Variants in SCFD1 observed in about 807,000 individuals in gnomAD.
SCFD1 encodes the protein sec1 family domain containing 1, also known as sec1 family domain-containing protein 1.
Under a neutral mutation model 103.2 loss-of-function variants are expected in SCFD1, and 37 were observed. The ratio of observed to expected loss-of-function variants is 0.36; its 90% confidence interval spans 0.28 to 0.47. The LOEUF (loss-of-function observed/expected upper bound fraction) is 0.47, where lower values mean the gene tolerates loss of function less well. Ranked by LOEUF, SCFD1 falls within the 20% of genes least tolerant of loss-of-function variation. The pLI, the probability that SCFD1 is intolerant of heterozygous loss-of-function variation, is 1.00. For missense variants in SCFD1, 639 were observed against 761.2 expected (o/e 0.84, Z 1.89); for synonymous variants, 264 against 245.0 (o/e 1.08, Z -0.73).
At chr14:30,701,771 A>G (rs1487632376) in intron 16 of SCFD1, among the ~76,000 whole-genome samples, 2 of 152,280 alleles carry the variant, frequency 1.3e-5, no homozygotes, top group Non-Finnish European at 1.5e-5. Context: ...AAGTTACACA[A>G]ATTCAGCCAG....
chr14:30,731,574 T>TGTAA (rs1438547631), intron 23 of SCFD1, among the ~76,000 whole-genome samples: 1 of 152,180 alleles, frequency 6.6e-6, no homozygotes, highest in Non-Finnish European at 1.5e-5. Context: ...TCACATCCCT[T>TGTAA]GTAAGTTGGA....
chr14:30,673,823 T>A, intron 12 of SCFD1, 101 bp from the exon 13 acceptor site: 1 of 801,418 alleles, frequency 1.2e-6, no homozygotes, highest in Non-Finnish European at 2.2e-6. Flanking sequence ...TTACGGTATA[T>A]CAATAATCTT....
At chr14:30,664,578 G>T (rs983954988) in intron 10 of SCFD1, among the ~76,000 whole-genome samples, 1 of 151,942 alleles carries the variant, frequency 6.6e-6, no homozygotes, top group Admixed American at 6.6e-5. Flanking sequence ...TCAGAAAGTC[G>T]ATAATAACAA....
intron 14 of SCFD1, among the ~76,000 whole-genome samples, chr14:30,692,494 A>G (rs1425186253): frequency 6.6e-6 from 1 of 152,208 alleles, no homozygotes; most frequent in Non-Finnish European, 1.5e-5. Context: ...TAGAAAAGCT[A>G]CAGAGAAGGT....
rs1054968045 is a variant in SCFD1, at chr14:30,632,071, A to T, written c.221+1506A>T. 2.5e-3 allele frequency among the ~76,000 whole-genome samples: 351 copies of T among 139,056 alleles called. 3 individuals carry two copies. The highest frequency in any genetic ancestry group is 9.0e-3 in the African/African-American group (325 of 36,238). 91.2% of individuals were successfully genotyped at this position (139,056 alleles called of 152,430 possible). A position where few individuals can be genotyped will look rare whatever the true frequency, so the allele number is the denominator to read the frequency against. ...GAAAAAAAAAAAAAAAAAAAAAAAAAGAACGTTTGGAGAAGGACTGTGTTC... is the reference window on the plus strand; with the variant it reads ...GAAAAAAAAAAAAAAAAAAAAAAAATGAACGTTTGGAGAAGGACTGTGTTC... On this transcript the variant is annotated intron_variant, in intron 3 of 24. Transcript: ENST00000458591.
chr14:30,673,092 G>A (rs1183922890), intron 11 of SCFD1, among the ~76,000 whole-genome samples, 165 bp from the exon 12 acceptor site: 1 of 152,070 alleles, frequency 6.6e-6, no homozygotes, highest in Non-Finnish European at 1.5e-5. Flanking sequence ...AAGATATGTA[G>A]TTGTATTTGT....
chr14:30,647,809 C>G (rs1259268467), intron 7 of SCFD1, among the ~76,000 whole-genome samples: 1 of 152,084 alleles, frequency 6.6e-6, no homozygotes, highest in Non-Finnish European at 1.5e-5. Context: ...CTCTACCACG[C>G]CTGGCTAATT....
chr14:30,694,640 A>G, intron 14 of SCFD1, 133 bp from the exon 15 acceptor site: 1 of 1,292,070 alleles, frequency 7.7e-7, no homozygotes, highest in South Asian at 1.8e-5. Flanking sequence ...GGTACTTCTG[A>G]ACTGTACTTT....
At chr14:30,699,600 A>AT (rs1320521675) in intron 15 of SCFD1, among the ~76,000 whole-genome samples, 2 of 152,270 alleles carry the variant, frequency 1.3e-5, no homozygotes, top group East Asian at 3.9e-4. Context: ...TGATATAACA[A>AT]TTTTTTTAAT....
chr14:30,655,652 A>G (rs1001776934), intron 10 of SCFD1, among the ~76,000 whole-genome samples: 2 of 152,172 alleles, frequency 1.3e-5, no homozygotes, highest in African/African-American at 4.8e-5. Flanking sequence ...TGTTTTTTAT[A>G]CTGACTGTAG....
intron 15 of SCFD1, among the ~76,000 whole-genome samples, chr14:30,699,249 G>A (rs1459861176): frequency 6.6e-6 from 1 of 152,134 alleles, no homozygotes; most frequent in African/African-American, 2.4e-5. Flanking sequence ...GAGAATGAGC[G>A]TTAGTGTTCC....
At chr14:30,721,008 A>G (rs1327326338) in intron 21 of SCFD1, among the ~76,000 whole-genome samples, 2 of 152,168 alleles carry the variant, frequency 1.3e-5, no homozygotes, top group Non-Finnish European at 2.9e-5. Context: ...ATCCCATCAC[A>G]GTTAAATCTT....
chr14:30,668,541 A>T (rs866140325), intron 10 of SCFD1, among the ~76,000 whole-genome samples: 28 of 152,140 alleles, frequency 1.8e-4, no homozygotes, highest in Middle Eastern at 6.8e-3. Context: ...AAGCCAAAAT[A>T]GACAAATGGG....
chr14:30,729,405 C>T (rs1893283918), intron 23 of SCFD1, among the ~76,000 whole-genome samples: 1 of 152,152 alleles, frequency 6.6e-6, no homozygotes, highest in African/African-American at 2.4e-5. Context: ...CCAGTTTCAT[C>T]TTTTTGCATA....
Position 30,664,858 on chromosome 14 carries a change from A to G in SCFD1, c.856-5398A>G, listed in dbSNP as rs572178090. ...GAAGTTTAGAGAAAAAAAGAGTAAA[A>G]AGAAATGAACAAAGCCTCCAAGAAA... On this transcript the variant is annotated intron_variant, in intron 10 of 24. Transcript: ENST00000458591. 2.6e-4 allele frequency among the ~76,000 whole-genome samples: 40 copies of G among 152,296 alleles called. No individual in the cohort carries two copies. The East Asian group carries it at 5.0e-3, about 19-fold the overall frequency.
intron 14 of SCFD1, among the ~76,000 whole-genome samples, chr14:30,694,060 T>G (rs1290534438): frequency 6.6e-6 from 1 of 152,182 alleles, no homozygotes; most frequent in Admixed American, 6.5e-5. Context: ...GGAAAAAGTT[T>G]TTTTAAAAAA....
chr14:30,723,290 G>A lies in SCFD1; in HGVS notation c.1836+731G>A, dbSNP rs567932096. ...CTCCAAAACAAATAACTACTCTTGGGAGTCTATCTGTTTCATAGGACACGC... is the reference window on the plus strand; with the variant it reads ...CTCCAAAACAAATAACTACTCTTGGAAGTCTATCTGTTTCATAGGACACGC... On this transcript the variant is annotated intron_variant, in intron 23 of 24. Transcript: ENST00000458591. Among the ~76,000 whole-genome samples, 129 of 152,198 alleles carry A rather than the reference G, an allele frequency of 8.5e-4. 1 individual carries two copies. The highest frequency in any genetic ancestry group is 3.0e-3 in the African/African-American group (124 of 41,522).
chr14:30,648,975 C>CAA (rs34928852), intron 7 of SCFD1, among the ~76,000 whole-genome samples: 1,287 of 99,414 alleles, frequency 0.013, 12 homozygotes, highest in Non-Finnish European at 0.017. Flanking sequence ...CACCCCGTCT[C>CAA]AAAAAAAAAA....
At chr14:30,675,114 G>T (rs1555354027) in intron 14 of SCFD1, 49 bp downstream of exon 14, 6 of 992,788 alleles carry the variant, frequency 6.0e-6, no homozygotes, top group African/African-American at 1.7e-5. Context: ...TTTACATAGG[G>T]TTTTATACTT....
Sources: allele counts gnomAD v4.1 joint callset (sites outside exome capture counted in the v4.1 genomes callset), GRCh38; gene constraint gnomAD v4.1.1; transcripts MANE v1.5; gene names NCBI Gene and HGNC (gene_info 2026-07-23, HGNC 2026-07-21).